Variants in ENTREP1 observed in about 807,000 individuals in gnomAD.
ENTREP1 encodes endosomal transmembrane epsin interactor 1.
chr9:69,375,673 G>GCT, the ENTREP1 span: 1 of 1,334,470 alleles, frequency 7.5e-7, no homozygotes, highest in East Asian at 2.3e-5. Flanking sequence ...GGTGCTCCAT[G>GCT]GTAGAGCCAG....
chr9:69,367,874 T>TATATATATATACAC, the ENTREP1 span, among the ~76,000 whole-genome samples: 21 of 90,612 alleles, frequency 2.3e-4, no homozygotes, highest in Admixed American at 1.2e-3. Context: ...TATATATAAA[T>TATATATATATACAC]ATATATATAC....
At chr9:69,352,823 G>A in the ENTREP1 span, among the ~76,000 whole-genome samples, 2 of 152,138 alleles carry the variant, frequency 1.3e-5, no homozygotes, top group African/African-American at 4.8e-5. Context: ...ACAAGCCTAT[G>A]ACCCCCAATA....
chr9:69,340,749 G>A, the ENTREP1 span, among the ~76,000 whole-genome samples: 5 of 115,992 alleles, frequency 4.3e-5, no homozygotes, highest in African/African-American at 1.8e-4. Flanking sequence ...GTGTGTGTTT[G>A]TGTGTGTGCG....
At chr9:69,342,752 T>A in the ENTREP1 span, among the ~76,000 whole-genome samples, 1 of 152,268 alleles carries the variant, frequency 6.6e-6, no homozygotes. Flanking sequence ...CTCAATTTGA[T>A]GTGTCATTAT....
the ENTREP1 span, among the ~76,000 whole-genome samples, chr9:69,344,674 C>A: frequency 1.3e-5 from 2 of 152,098 alleles, no homozygotes; most frequent in African/African-American, 2.4e-5. Context: ...ACCTCTACCC[C>A]CTGGAGCTCT....
At chr9:69,330,955 GTAAAA>G in the ENTREP1 span, among the ~76,000 whole-genome samples, 1 of 152,120 alleles carries the variant, frequency 6.6e-6, no homozygotes, top group African/African-American at 2.4e-5. Flanking sequence ...GTTAATCAAA[GTAAAA>G]TGAACAGGCC....
At chr9:69,370,721 T>C in the ENTREP1 span, among the ~76,000 whole-genome samples, 78 of 152,322 alleles carry the variant, frequency 5.1e-4, no homozygotes, top group South Asian at 8.3e-4. Context: ...TGTGAACTTG[T>C]TTACCAGCCA....
chr9:69,372,924 T>C, the ENTREP1 span, among the ~76,000 whole-genome samples: 37 of 152,160 alleles, frequency 2.4e-4, no homozygotes, highest in Non-Finnish European at 5.9e-5. Flanking sequence ...ATTTTCCTTA[T>C]GATTAGTGAT....
At chr9:69,336,748 G>A in the ENTREP1 span, among the ~76,000 whole-genome samples, 10 of 152,136 alleles carry the variant, frequency 6.6e-5, no homozygotes, top group African/African-American at 2.4e-4. Context: ...GTCTCGCACT[G>A]TTGCCCAGGC....
the ENTREP1 span, among the ~76,000 whole-genome samples, chr9:69,385,361 C>T: frequency 2.2e-4 from 33 of 152,270 alleles, no homozygotes; most frequent in African/African-American, 6.5e-4. Flanking sequence ...CTTAGCCTTC[C>T]GGGAGTTCTG....
chr9:69,325,842 A>T, the ENTREP1 span: 1 of 1,203,406 alleles, frequency 8.3e-7, no homozygotes, highest in Non-Finnish European at 1.0e-6. Flanking sequence ...GCCTCACGCC[A>T]CCTGAAGTTT....
At chr9:69,371,378 T>C in the ENTREP1 span, 1 of 829,412 alleles carries the variant, frequency 1.2e-6, no homozygotes, top group Non-Finnish European at 2.1e-6. Flanking sequence ...AAAACACGGT[T>C]CTGATCTTTT....
At chr9:69,340,234 C>G in the ENTREP1 span, among the ~76,000 whole-genome samples, 9 of 152,166 alleles carry the variant, frequency 5.9e-5, no homozygotes, top group African/African-American at 9.7e-5. Context: ...GAAGGATGCT[C>G]TTTTTCAGGG....
the ENTREP1 span, among the ~76,000 whole-genome samples, chr9:69,367,245 T>G: frequency 6.6e-6 from 1 of 151,992 alleles, no homozygotes; most frequent in South Asian, 2.1e-4. Flanking sequence ...ATATTTGTTT[T>G]TATAGCAGTA....
the ENTREP1 span, among the ~76,000 whole-genome samples, chr9:69,370,517 A>G: frequency 2.0e-5 from 3 of 152,214 alleles, no homozygotes; most frequent in African/African-American, 7.2e-5. Flanking sequence ...AGATCTGATG[A>G]CAGGCTGCAT....
chr9:69,382,606 G>C, the ENTREP1 span: 1 of 152,320 alleles, frequency 6.6e-6, no homozygotes, highest in African/African-American at 2.4e-5. Context: ...AGGTTGCAGA[G>C]TCTCATTCTT....
the ENTREP1 span, among the ~76,000 whole-genome samples, chr9:69,373,081 C>G: frequency 6.6e-6 from 1 of 150,906 alleles, no homozygotes; most frequent in African/African-American, 2.4e-5. Flanking sequence ...TTCTGTATAT[C>G]AGAATATATA....
At chr9:69,371,173 GA>G in the ENTREP1 span, 19 of 331,820 alleles carry the variant, frequency 5.7e-5, no homozygotes, top group Non-Finnish European at 5.7e-5. Flanking sequence ...AAAACTAAAG[GA>G]AAAAAAATAA....
chr9:69,378,105 C>T, the ENTREP1 span, among the ~76,000 whole-genome samples: 1 of 152,158 alleles, frequency 6.6e-6, no homozygotes, highest in Admixed American at 6.5e-5. Context: ...TGAAGATAGA[C>T]ATTTTCAATT....
Sources: allele counts gnomAD v4.1 joint callset (sites outside exome capture counted in the v4.1 genomes callset), GRCh38; gene constraint gnomAD v4.1.1; transcripts MANE v1.5; gene names NCBI Gene and HGNC (gene_info 2026-07-23, HGNC 2026-07-21).